Variants in SLC1A2 observed in about 807,000 individuals in gnomAD.
The protein encoded by SLC1A2 is solute carrier family 1 member 2, also known as excitatory amino acid transporter 2.
In SLC1A2, 15 loss-of-function variants were observed where a neutral mutation model predicts 48.8. That is an observed-to-expected ratio of 0.31 (90% CI 0.21 to 0.47). SLC1A2 has a LOEUF of 0.47. Ranked by LOEUF, SLC1A2 falls within the 20% of genes least tolerant of loss-of-function variation. SLC1A2 has a pLI of 0.99. For missense variants in SLC1A2, 502 were observed against 730.5 expected, an observed-to-expected ratio of 0.69 and a Z score of 3.61; for synonymous variants, 279 against 272.6, an observed-to-expected ratio of 1.02 and a Z score of -0.23.
intron 1 of SLC1A2, chr11:35,380,427 G>C (rs374318488): frequency 2.5e-6 from 1 of 398,580 alleles, no homozygotes. Context: ...GCATATGTGC[G>C]AGTTATTCTA....
At chr11:35,393,339 A>ATTTTTTTTTTTTTTTTTTTTTT (rs1182118709) in intron 1 of SLC1A2, among the ~76,000 whole-genome samples, 1 of 152,126 alleles carries the variant, frequency 6.6e-6, no homozygotes, top group Non-Finnish European at 1.5e-5. Context: ...ATGGCACCGC[A>ATTTTTTTTTTTTTTTTTTTTTT]TTTTATTGCA....
intron 1 of SLC1A2, 145 bp from the exon 2 acceptor site, chr11:35,317,661 A>T: frequency 2.1e-6 from 2 of 945,202 alleles, no homozygotes; most frequent in East Asian, 2.4e-5. Context: ...ACTCAGGGTC[A>T]CCTATAAGCA....
chr11:35,393,618 A>AC (rs1854851487), intron 1 of SLC1A2, among the ~76,000 whole-genome samples: 1 of 152,190 alleles, frequency 6.6e-6, no homozygotes, highest in South Asian at 2.1e-4. Context: ...TAAACCTTTA[A>AC]TTGAATTAGG....
chr11:35,292,116 A>C (rs908424374), intron 7 of SLC1A2, 171 bp downstream of exon 7: 27 of 625,122 alleles, frequency 4.3e-5, no homozygotes, highest in Non-Finnish European at 7.2e-5. Context: ...AAGGCTCAGA[A>C]GTTCCTAGAA....
intron 1 of SLC1A2, among the ~76,000 whole-genome samples, chr11:35,368,260 A>G (rs897744918): frequency 2.0e-5 from 3 of 152,190 alleles, no homozygotes; most frequent in South Asian, 2.1e-4. Flanking sequence ...TTACTCAGGT[A>G]TGGTTGAGCT....
chr11:35,345,749 A>T (rs1312786833), intron 1 of SLC1A2, among the ~76,000 whole-genome samples: 1 of 152,238 alleles, frequency 6.6e-6, no homozygotes, highest in Non-Finnish European at 1.5e-5. Context: ...TATTTTCCAG[A>T]TGAGCTAAAT....
intron 8 of SLC1A2, among the ~76,000 whole-genome samples, chr11:35,283,477 A>G (rs1850706187): frequency 6.6e-6 from 1 of 152,182 alleles, no homozygotes; most frequent in Non-Finnish European, 1.5e-5. Context: ...TTAAATGCAT[A>G]TGGTCAAACT....
In SLC1A2 at chr11:35,374,297, A is replaced by C. The variant is rs1414154800; in HGVS notation, c.17+44653T>G. 5 of 1,039,292 alleles carry C rather than the reference A, an allele frequency of 4.8e-6. No homozygotes were observed. In the African/African-American group the frequency reaches 4.8e-5, roughly 10 times the overall value. 64.4% of individuals were successfully genotyped at this position (1,039,292 alleles called of 1,614,324 possible). A position where few individuals can be genotyped will look rare whatever the true frequency, so the allele number is the denominator to read the frequency against. ...TCTTAACATTCAGGGATGTGGCCACAGAATTCTCTCCAGAAGAGTGGAAAT... is the reference window on the plus strand; with the variant it reads ...TCTTAACATTCAGGGATGTGGCCACCGAATTCTCTCCAGAAGAGTGGAAAT... On this transcript the variant is annotated intron_variant, in intron 1 of 10. Transcript: ENST00000278379.
chr11:35,370,972 G>T, intron 1 of SLC1A2: 1 of 985,188 alleles, frequency 1.0e-6, no homozygotes, highest in Non-Finnish European at 1.2e-6. Context: ...TTCCATTTCT[G>T]CCAGGGTACA....
chr11:35,375,761 G>C (rs1232127400), intron 1 of SLC1A2, among the ~76,000 whole-genome samples: 3 of 152,174 alleles, frequency 2.0e-5, no homozygotes, highest in African/African-American at 7.2e-5. Flanking sequence ...CTACAGAGGA[G>C]GGTGAGCAAT....
intron 1 of SLC1A2, among the ~76,000 whole-genome samples, chr11:35,392,948 A>G (rs1467190502): frequency 6.6e-6 from 1 of 152,248 alleles, no homozygotes; most frequent in African/African-American, 2.4e-5. Flanking sequence ...AAGCACCTAT[A>G]TACCTATATG....
intron 1 of SLC1A2, among the ~76,000 whole-genome samples, chr11:35,345,332 G>A (rs1221117798): frequency 3.9e-5 from 6 of 152,144 alleles, no homozygotes; most frequent in Admixed American, 1.3e-4. Flanking sequence ...TCTCTCCTGG[G>A]TTCTGCAAAT....
rs150489828 is a variant in SLC1A2 at position 35,376,640 on chromosome 11, T to C, written c.17+42310A>G. Among the ~76,000 whole-genome samples the C allele has an allele frequency of 2.4e-4, 36 of 152,368 alleles. No homozygotes were observed. The East Asian group carries it at 6.9e-3, about 29-fold the overall frequency. ...CTTTATAATTGTAACCAAATTATCC[T>C]GTTTCCACTTATGTATGTGAATAAT... is the stretch of plus-strand genomic sequence containing the variant. On this transcript the variant is annotated intron_variant, in intron 1 of 10. Coordinates refer to ENST00000278379, the MANE Select transcript of SLC1A2 (RefSeq NM_004171.4).
intron 1 of SLC1A2, among the ~76,000 whole-genome samples, chr11:35,378,217 C>G (rs1854303997): frequency 6.6e-6 from 1 of 152,254 alleles, no homozygotes; most frequent in Non-Finnish European, 1.5e-5. Context: ...GGCAGAACCC[C>G]CAGATCCTAA....
rs1451990838 is a variant in SLC1A2 at position 35,257,063 on chromosome 11, A to C, written c.*3831T>G. On this transcript the variant is annotated 3_prime_UTR_variant, in exon 11 of 11. Coordinates refer to ENST00000278379, the MANE Select transcript of SLC1A2 (RefSeq NM_004171.4). ...AAAGGGACGTGTAGTATTTGCAAAA[A>C]CATGGCAGAATTGGGTTTCCTTTGG... The C allele has an allele frequency of 1.3e-5, 2 of 152,230 alleles. No individual in the cohort carries two copies. Among genetic ancestry groups the C allele is most frequent in the African/African-American group, 4.8e-5 (2 of 41,460 alleles). The allele number at this position is 152,230 out of a possible 1,614,324, so 9.4% of individuals were successfully genotyped here.
At chr11:35,347,533 T>G (rs936449387) in intron 1 of SLC1A2, among the ~76,000 whole-genome samples, 4 of 152,242 alleles carry the variant, frequency 2.6e-5, no homozygotes, top group Non-Finnish European at 5.9e-5. Flanking sequence ...TCAAAGTGAA[T>G]GAGTTCTATG....
At chr11:35,275,898 A>G (rs1267863204) in intron 9 of SLC1A2, among the ~76,000 whole-genome samples, 1 of 152,124 alleles carries the variant, frequency 6.6e-6, no homozygotes, top group Non-Finnish European at 1.5e-5. Flanking sequence ...TGAGCACCCA[A>G]TAGTCACAGA....
At chr11:35,354,200 C>A (rs1224761346) in intron 1 of SLC1A2, among the ~76,000 whole-genome samples, 2 of 151,970 alleles carry the variant, frequency 1.3e-5, no homozygotes, top group African/African-American at 4.8e-5. Flanking sequence ...GTCTGTAATC[C>A]CAGGGCTTTT....
chr11:35,302,983 T>A (rs921870476), intron 5 of SLC1A2, among the ~76,000 whole-genome samples: 5 of 151,282 alleles, frequency 3.3e-5, no homozygotes, highest in Admixed American at 3.3e-4. Flanking sequence ...CCACCTGACT[T>A]GTTCTCTGAC....
Sources: allele counts gnomAD v4.1 joint callset (sites outside exome capture counted in the v4.1 genomes callset), GRCh38; gene constraint gnomAD v4.1.1; transcripts MANE v1.5; gene names NCBI Gene and HGNC (gene_info 2026-07-23, HGNC 2026-07-21).